The following UBE3D variants were observed in gnomAD, a reference collection of about 807,000 sequenced individuals.
UBE3D encodes E3 ubiquitin-protein ligase E3D.
A neutral mutation model predicts 49.6 loss-of-function variants in UBE3D; 48 were observed. The ratio of observed to expected loss-of-function variants is 0.97; its 90% CI spans 0.77 to 1.23. The LOEUF (loss-of-function observed/expected upper bound fraction) is 1.23. Ranked by LOEUF, UBE3D falls within the 50% of genes most tolerant of loss-of-function variation. The pLI, the probability that UBE3D is intolerant of heterozygous loss-of-function variation, is 0.00. For missense variants in UBE3D, 452 were observed against 468.4 expected (o/e 0.96, Z 0.32); for synonymous variants, 189 against 174.2 (o/e 1.08, Z -0.67).
intron 8 of UBE3D, among the ~76,000 whole-genome samples, chr6:82,999,895 A>G (rs1733470254): frequency 6.6e-6 from 1 of 152,082 alleles, no homozygotes; most frequent in Non-Finnish European, 1.5e-5. Context: ...ATTCCTGTAA[A>G]AGTCACTAAT....
intron 4 of UBE3D, among the ~76,000 whole-genome samples, chr6:83,042,080 T>G (rs563303618): frequency 5.9e-5 from 9 of 152,216 alleles, no homozygotes; most frequent in Admixed American, 2.6e-4. Flanking sequence ...CGGCTAATTT[T>G]TTGTAGTTTA....
intron 9 of UBE3D, among the ~76,000 whole-genome samples, chr6:82,928,397 G>C (rs976942704): frequency 6.6e-6 from 1 of 152,044 alleles, no homozygotes; most frequent in East Asian, 1.9e-4. Flanking sequence ...GCAATAATAT[G>C]ATTAATTTTA....
chr6:83,065,651 A>T lies in UBE3D; in HGVS notation c.68T>A (p.Leu23Gln), dbSNP rs1784443794. The T allele has an allele frequency of 3.7e-6, 6 of 1,613,878 alleles. No individual in the cohort carries two copies. Among genetic ancestry groups the T allele is most frequent in the Non-Finnish European group, 5.1e-6 (6 of 1,179,930 alleles). ...GAATCCCAGTTCTTACCCCAGGATC[A>T]GAAGCGCGCTCTGCAGCTGTCCCCG... Reference protein sequence around the residue: ...EVRGQLQSALLILGEPKEGGM... With the variant: ...EVRGQLQSALQILGEPKEGGM... The change falls in exon 1 of 10, where the codon CTG (leucine) becomes CAG (glutamine). Residue 23 changes from leucine to glutamine, a missense_variant. Physicochemically the swap from Leu to Gln is moderately radical, Grantham distance 113. Coordinates refer to ENST00000369747, the MANE Select transcript of UBE3D (RefSeq NM_198920.3).
chr6:83,055,656 C>T (rs1247894024), intron 2 of UBE3D, among the ~76,000 whole-genome samples: 4 of 152,130 alleles, frequency 2.6e-5, no homozygotes, highest in Non-Finnish European at 5.9e-5. Flanking sequence ...CAATCTAATG[C>T]GTGTGCTCTA....
intron 9 of UBE3D, among the ~76,000 whole-genome samples, chr6:82,954,876 A>AT (rs1199273418): frequency 6.6e-6 from 1 of 152,138 alleles, no homozygotes; most frequent in African/African-American, 2.4e-5. Flanking sequence ...TATGTTCCTT[A>AT]TAAGAATACA....
Position 82,959,741 on chromosome 6 carries a change from AAAAAG to A in UBE3D, c.1011-2296_1011-2292del, listed in dbSNP as rs1253871028. Among the ~76,000 whole-genome samples, 98 of 150,810 alleles carry A rather than the reference AAAAAG, an allele frequency of 6.5e-4. 1 individual carries two copies. Among genetic ancestry groups the A allele is most frequent in the African/African-American group, 2.3e-3 (95 of 41,066 alleles). On this transcript the variant is annotated intron_variant, in intron 8 of 9. Transcript: ENST00000369747. ...CCAAAAAAAAAAAAAAAAAAAAAAAAAAAAGGATTGGCTCTGCTCCTAAGGAATGT... is the reference window on the plus strand; with the variant it reads ...CCAAAAAAAAAAAAAAAAAAAAAAAAGATTGGCTCTGCTCCTAAGGAATGT...
intron 4 of UBE3D, among the ~76,000 whole-genome samples, chr6:83,042,672 C>G (rs1782756048): frequency 6.6e-6 from 1 of 152,170 alleles, no homozygotes; most frequent in African/African-American, 2.4e-5. Context: ...CGTGTCCTCC[C>G]TTTTATTTTC....
intron 8 of UBE3D, among the ~76,000 whole-genome samples, chr6:83,002,576 T>C (rs910894365): frequency 6.6e-6 from 1 of 152,186 alleles, no homozygotes; most frequent in African/African-American, 2.4e-5. Flanking sequence ...TCCCAGCTAC[T>C]TGGGAGGCTG....
intron 8 of UBE3D, among the ~76,000 whole-genome samples, chr6:82,973,567 C>T (rs578221459): frequency 2.8e-3 from 114 of 41,262 alleles, no homozygotes; most frequent in Middle Eastern, 0.014. Context: ...TGATAGAATT[C>T]TTAGCTTCTT....
intron 4 of UBE3D, among the ~76,000 whole-genome samples, chr6:83,039,519 T>C (rs1484663098): frequency 1.3e-5 from 2 of 152,232 alleles, no homozygotes; most frequent in African/African-American, 4.8e-5. Flanking sequence ...TGGGTCTCTC[T>C]GATGCTAAAG....
At chr6:83,009,460 T>C (rs1780200267) in intron 8 of UBE3D, among the ~76,000 whole-genome samples, 1 of 151,414 alleles carries the variant, frequency 6.6e-6, no homozygotes, top group East Asian at 2.0e-4. Context: ...GGGCAGGAAT[T>C]CCAGTGAAAT....
chr6:82,984,499 T>G (rs1778326118), intron 8 of UBE3D, among the ~76,000 whole-genome samples: 1 of 152,188 alleles, frequency 6.6e-6, no homozygotes, highest in Non-Finnish European at 1.5e-5. Context: ...GATTGTACCA[T>G]TTTGTATATC....
chr6:82,973,469 G>A (rs1777494653), intron 8 of UBE3D, among the ~76,000 whole-genome samples: 1 of 152,078 alleles, frequency 6.6e-6, no homozygotes, highest in African/African-American at 2.4e-5. Context: ...ATTTTTCCGA[G>A]GTAGAACAAA....
At chr6:82,899,523 T>C (rs1272751669) in intron 9 of UBE3D, among the ~76,000 whole-genome samples, 1 of 152,256 alleles carries the variant, frequency 6.6e-6, no homozygotes, top group African/African-American at 2.4e-5. Flanking sequence ...AGCCTTGCTA[T>C]GTCTTCTAGC....
intron 9 of UBE3D, among the ~76,000 whole-genome samples, chr6:82,940,691 C>A (rs1452410301): frequency 6.6e-6 from 1 of 152,152 alleles, no homozygotes; most frequent in Non-Finnish European, 1.5e-5. Flanking sequence ...TCCCTACCCA[C>A]TCTCAGTTAA....
At position 83,063,251 on chromosome 6, in the gene UBE3D, A is replaced by G. The variant is rs181763570; in HGVS notation, c.77+2391T>C. 14 of 229,944 alleles carry G rather than the reference A, an allele frequency of 6.1e-5. No homozygotes were observed. In the East Asian group the frequency reaches 2.1e-3, roughly 35 times the overall value. 14.2% of individuals were successfully genotyped at this position (229,944 alleles called of 1,614,324 possible). A position where few individuals can be genotyped will look rare whatever the true frequency, so the allele number is the denominator to read the frequency against. ...AATATGGTGAAACCCTATCTCTACA[A>G]AAAAATACAAAAATTAGCTGGGCAT... On this transcript the variant is annotated intron_variant, in intron 1 of 9. Coordinates refer to ENST00000369747, the MANE Select transcript of UBE3D (RefSeq NM_198920.3).
rs934194785 is a variant in UBE3D at position 82,905,190 on chromosome 6, C to T, written c.1150-12148G>A. The stretch of plus-strand genomic sequence containing the variant: ...TTTACTTTATTGTACTTTGCAGATA[C>T]AGCATTTTTTACAAATTGAAGGTTT... On this transcript the variant is annotated intron_variant, in intron 9 of 9. Coordinates refer to ENST00000369747, the MANE Select transcript of UBE3D (RefSeq NM_198920.3). Among the ~76,000 whole-genome samples, 3 of 152,288 alleles carry T rather than the reference C, an allele frequency of 2.0e-5. No individual in the cohort carries two copies. In the East Asian group the frequency reaches 5.8e-4, roughly 29 times the overall value.
At chr6:82,910,522 C>G (rs1483156076) in intron 9 of UBE3D, among the ~76,000 whole-genome samples, 6 of 152,146 alleles carry the variant, frequency 3.9e-5, no homozygotes, top group Admixed American at 1.3e-4. Context: ...AAATGATCTG[C>G]TCTTTAAAAC....
intron 3 of UBE3D, among the ~76,000 whole-genome samples, chr6:83,048,973 A>G (rs1310889350): frequency 1.3e-5 from 2 of 152,292 alleles, no homozygotes; most frequent in African/African-American, 4.8e-5. Context: ...CTCTCAGCCT[A>G]AGATTCTATA....
Sources: allele counts gnomAD v4.1 joint callset (sites outside exome capture counted in the v4.1 genomes callset), GRCh38; gene constraint gnomAD v4.1.1; transcripts MANE v1.5; gene names NCBI Gene and HGNC (gene_info 2026-07-23, HGNC 2026-07-21).